The following GRIN3A variants were observed in gnomAD, a reference collection of about 807,000 sequenced individuals.
GRIN3A encodes glutamate receptor ionotropic, NMDA 3A.
Under a neutral mutation model 92.4 loss-of-function variants are expected in GRIN3A, and 47 were observed. The observed-to-expected ratio is 0.51, with a 90% CI of 0.40 to 0.65. The LOEUF (loss-of-function observed/expected upper bound fraction) is 0.65. GRIN3A is among the 30% of genes least tolerant of loss of function. The probability of loss-of-function intolerance (pLI) is 0.00; values close to 1 mark genes in which losing one functional copy is unlikely to be tolerated. For synonymous variants in GRIN3A, 527 were observed against 540.6 expected (o/e 0.97, Z 0.35); for missense variants, 1,324 against 1,393.1 (o/e 0.95, Z 0.79).
intron 1 of GRIN3A, among the ~76,000 whole-genome samples, chr9:101,721,879 G>A (rs181909512): frequency 6.6e-6 from 1 of 152,290 alleles, no homozygotes; most frequent in Admixed American, 6.5e-5. Context: ...AGAACACAAA[G>A]GTTCAGAAAA....
intron 2 of GRIN3A, among the ~76,000 whole-genome samples, chr9:101,678,564 T>A (rs991645227): frequency 7.2e-5 from 11 of 152,216 alleles, no homozygotes; most frequent in African/African-American, 2.4e-5. Flanking sequence ...TATGTACACA[T>A]ATATGAATCA....
chr9:101,712,003 C>T (rs924965930), intron 1 of GRIN3A, among the ~76,000 whole-genome samples: 19 of 152,166 alleles, frequency 1.2e-4, no homozygotes, highest in Non-Finnish European at 2.5e-4. Flanking sequence ...AGCAACACCC[C>T]TTTTCCTCAG....
rs1038920615 is a variant in GRIN3A at position 101,711,476 on chromosome 9, G to A, written c.700-24276C>T. On this transcript the variant is annotated intron_variant, in intron 1 of 8. Transcript: ENST00000361820. ...TTGGAAAGCAAAACCTTGAAGAGGG[G>A]AGACTACTGTATTCCACCCATTACG... Among the ~76,000 whole-genome samples the A allele has an allele frequency of 3.4e-4, 52 of 152,148 alleles. 1 individual carries two copies. Among genetic ancestry groups the A allele is most frequent in the African/African-American group, 1.1e-3 (46 of 41,428 alleles).
chr9:101,670,362 C>G lies in GRIN3A; in HGVS notation c.2050G>C (p.Ala684Pro), dbSNP rs751136272. 6.2e-7 allele frequency: 1 copy of G among 1,614,010 alleles called. No homozygotes were observed. Among genetic ancestry groups the G allele is most frequent in the Non-Finnish European group, 8.5e-7 (1 of 1,179,954 alleles). ...AGGAAGACGGCAGTGATGTGCAGAG[C>G]CACAAAAATCCCCAGCCACATTGTC... is the stretch of plus-strand genomic sequence containing the variant. ...HWTMWLGIFV[A>P]LHITAVFLTL... is the part of the protein sequence containing the mutation. The change falls in exon 3 of 9, where the codon GCT (alanine) becomes CCT (proline). Residue 684 changes from alanine to proline, a missense_variant. Transcript: ENST00000361820.
At chr9:101,688,319 A>G (rs951293440) in intron 1 of GRIN3A, among the ~76,000 whole-genome samples, 1 of 152,240 alleles carries the variant, frequency 6.6e-6, no homozygotes, top group Admixed American at 6.5e-5. Context: ...TGATACATGT[A>G]GAATAAAAAG....
chr9:101,737,552 G>T lies in GRIN3A; in HGVS notation c.428C>A (p.Pro143His). ...CACTACTTCCAAAGACAGGTTGTAG[G>T]GTAGCAGCCCTTCCACGCGGTTCAG... ...DNLNRVEGLL[P>H]YNLSLEVVMA... Residue 143 changes from proline (P) to histidine (H), a missense_variant, in exon 1 of 9, where the codon CCC (proline) becomes CAC (histidine). Transcript: ENST00000361820. The T allele has an allele frequency of 1.9e-6, 3 of 1,614,198 alleles. No individual in the cohort carries two copies. Among genetic ancestry groups the T allele is most frequent in the Non-Finnish European group, 2.5e-6 (3 of 1,180,034 alleles).
intron 3 of GRIN3A, among the ~76,000 whole-genome samples, chr9:101,666,023 C>T (rs1241549202): frequency 6.6e-6 from 1 of 151,886 alleles, no homozygotes; most frequent in Non-Finnish European, 1.5e-5. Context: ...AATTAGAATT[C>T]AAAGTATAGA....
intron 6 of GRIN3A, among the ~76,000 whole-genome samples, chr9:101,588,311 G>A (rs1009870485): frequency 2.6e-5 from 4 of 152,132 alleles, no homozygotes; most frequent in Non-Finnish European, 5.9e-5. Flanking sequence ...CAAAATCCAG[G>A]GAGACACTGC....
chr9:101,585,712 C>T (rs1827942719), intron 6 of GRIN3A, among the ~76,000 whole-genome samples: 1 of 152,286 alleles, frequency 6.6e-6, no homozygotes. Context: ...CACCAACCAC[C>T]CTGATCCAAG....
chr9:101,664,498 G>A (rs1269692456), intron 3 of GRIN3A, among the ~76,000 whole-genome samples: 6 of 151,894 alleles, frequency 4.0e-5, no homozygotes. Flanking sequence ...AGCAAAAAGA[G>A]TTAAGTGAGG....
intron 5 of GRIN3A, among the ~76,000 whole-genome samples, chr9:101,618,443 A>G (rs945760786): frequency 2.0e-5 from 3 of 152,180 alleles, no homozygotes; most frequent in Non-Finnish European, 2.9e-5. Context: ...AACACATGAA[A>G]AAATGCTCAC....
intron 6 of GRIN3A, chr9:101,594,804 C>T (rs775485051): frequency 2.5e-6 from 4 of 1,612,764 alleles, no homozygotes; most frequent in African/African-American, 1.3e-5. Flanking sequence ...AACTCCTCCA[C>T]GCTCAGAGAC....
Position 101,599,127 on chromosome 9 carries a change from G to A in GRIN3A, c.2766+14249C>T, listed in dbSNP as rs1001181200. Among the ~76,000 whole-genome samples, 8 of 152,308 alleles carry A rather than the reference G, an allele frequency of 5.3e-5. 1 individual carries two copies. The highest frequency in any genetic ancestry group is 6.8e-3 in the Middle Eastern group (2 of 294). On this transcript the variant is annotated intron_variant, in intron 6 of 8. Transcript: ENST00000361820. ...TTTGAGTGAAGCCATTGCTGTACCA[G>A]CCTCAACATCCTCATCTGTGAAATG...
intron 3 of GRIN3A, among the ~76,000 whole-genome samples, chr9:101,643,638 T>C (rs559653258): frequency 2.0e-5 from 3 of 148,740 alleles, no homozygotes; most frequent in South Asian, 4.3e-4. Flanking sequence ...AGCTAAATCA[T>C]GTAAGCAACC....
At chr9:101,656,690 C>T (rs1275494773) in intron 3 of GRIN3A, among the ~76,000 whole-genome samples, 1 of 151,896 alleles carries the variant, frequency 6.6e-6, no homozygotes, top group Non-Finnish European at 1.5e-5. Context: ...GCCAGAACTG[C>T]TTGTCCTTGA....
At chr9:101,657,200 C>G (rs1037398219) in intron 3 of GRIN3A, among the ~76,000 whole-genome samples, 1 of 151,822 alleles carries the variant, frequency 6.6e-6, no homozygotes, top group Non-Finnish European at 1.5e-5. Context: ...CCTCTGATAT[C>G]TTTATATTCT....
At chr9:101,671,496 G>A (rs898881013) in intron 2 of GRIN3A, among the ~76,000 whole-genome samples, 1 of 152,048 alleles carries the variant, frequency 6.6e-6, no homozygotes, top group Non-Finnish European at 1.5e-5. Context: ...TTCTATTGTT[G>A]ACTATGTTCA....
chr9:101,703,278 G>A (rs2119003276), intron 1 of GRIN3A, among the ~76,000 whole-genome samples: 1 of 152,220 alleles, frequency 6.6e-6, no homozygotes, highest in South Asian at 2.1e-4. Context: ...TGGTCCCAAA[G>A]CCTTGAGGTT....
chr9:101,729,590 C>A (rs1830116441), intron 1 of GRIN3A, among the ~76,000 whole-genome samples: 1 of 152,116 alleles, frequency 6.6e-6, no homozygotes, highest in African/African-American at 2.4e-5. Context: ...CCTGGATAAT[C>A]CAAGATACCC....
Sources: allele counts gnomAD v4.1 joint callset (sites outside exome capture counted in the v4.1 genomes callset), GRCh38; gene constraint gnomAD v4.1.1; transcripts MANE v1.5; gene names NCBI Gene and HGNC (gene_info 2026-07-23, HGNC 2026-07-21).